Variants in TCP11 observed in about 807,000 individuals in gnomAD.
TCP11 encodes the protein T-complex protein 11 homolog.
In TCP11, 34 loss-of-function variants were observed where a neutral mutation model predicts 45.0. The observed-to-expected ratio is 0.76, with a 90% CI of 0.57 to 1.01. TCP11 has a LOEUF of 1.01. Ranked by LOEUF, TCP11 falls within the 50% of genes least tolerant of loss-of-function variation. The pLI is 0.00. For missense variants in TCP11, 523 were observed against 598.1 expected (o/e 0.87, Z 1.31); for synonymous variants, 227 against 227.0 (o/e 1.00, Z 0.00).
At chr6:35,124,554 C>T (rs966591015) in intron 4 of TCP11, among the ~76,000 whole-genome samples, 1 of 152,104 alleles carries the variant, frequency 6.6e-6, no homozygotes, top group Non-Finnish European at 1.5e-5. Context: ...GTCTAACTTA[C>T]GTAGCTACAA....
chr6:35,139,005 T>C (rs1049166317), intron 2 of TCP11, among the ~76,000 whole-genome samples: 14 of 152,126 alleles, frequency 9.2e-5, no homozygotes, highest in Non-Finnish European at 1.6e-4. Context: ...CTGGCCGACA[T>C]GGTGAAACCC....
chr6:35,132,262 A>G (rs115415225), intron 3 of TCP11, among the ~76,000 whole-genome samples: 90 of 152,316 alleles, frequency 5.9e-4, no homozygotes, highest in African/African-American at 2.0e-3. Context: ...AACCTTTCAC[A>G]CCAAGACCAC....
chr6:35,138,404 A>G (rs1375059747), intron 2 of TCP11, among the ~76,000 whole-genome samples: 2 of 152,220 alleles, frequency 1.3e-5, no homozygotes, highest in Non-Finnish European at 1.5e-5. Context: ...CAAAAAAACA[A>G]CACAAGATCT....
intron 1 of TCP11, 153 bp from the exon 2 acceptor site, chr6:35,141,037 G>T (rs1363358480): frequency 1.6e-6 from 2 of 1,233,966 alleles, no homozygotes; most frequent in Non-Finnish European, 2.1e-6. Flanking sequence ...TGGAGGAGCG[G>T]AAGTCGAGAG....
chr6:35,132,070 C>T (rs1350731067), intron 3 of TCP11, among the ~76,000 whole-genome samples: 1 of 152,250 alleles, frequency 6.6e-6, no homozygotes, highest in Non-Finnish European at 1.5e-5. Flanking sequence ...GGGGCTCCCC[C>T]ATCACCAGCA....
In TCP11 at chr6:35,118,394, G is replaced by C; in HGVS notation, c.1387C>G (p.Leu463Val). ...LTLIEAELAE[L>V]GQKFVNLTHH... ...GTCAAGTTGACAAACTTTTGGCCCA[G>C]TTCTGCCAGTTCTGCTTCAATGAGA... is the stretch of plus-strand genomic sequence containing the variant. The change falls in exon 10 of 10, where the codon CTG (leucine) becomes GTG (valine). Residue 463 changes from leucine (L) to valine (V), a missense_variant. Transcript: ENST00000311875. The C allele has an allele frequency of 6.2e-7, 1 of 1,614,212 alleles. No homozygotes were observed. Among genetic ancestry groups the C allele is most frequent in the Non-Finnish European group, 8.5e-7 (1 of 1,180,034 alleles).
rs189727413 is a variant in TCP11 at position 35,128,890 on chromosome 6, T to C, written c.357+172A>G. ...CCCTCATTTCTCCTACTCTCTGTTA[T>C]AATAATTTTTATATTAAACCCTCCC... On this transcript the variant is annotated intron_variant, in intron 4 of 9. Transcript: ENST00000311875. 1.6e-4 allele frequency: 130 copies of C among 802,630 alleles called. No homozygotes were observed. The African/African-American group carries it at 2.0e-3, about 12-fold the overall frequency. The allele number at this position is 802,630 out of a possible 1,614,324, so 49.7% of individuals were successfully genotyped here.
At position 35,129,115 on chromosome 6, in the gene TCP11, C is replaced by T. The variant is rs778104076; in HGVS notation, c.304G>A (p.Ala102Thr). Residue 102 changes from alanine (A) to threonine (T), a missense_variant, in exon 4 of 10, where the codon GCA (alanine) becomes ACA (threonine). Coordinates refer to ENST00000311875, the MANE Select transcript of TCP11 (RefSeq NM_001370687.1). ...GCACAGCTGAAGTCAGGGGGAGTTG[C>T]TGATAGTTGCTCTTTAAGATGGTCC... ...FWDHLKEQLS[A>T]TPPDFSCALE... 18 of 1,614,158 alleles carry T rather than the reference C, an allele frequency of 1.1e-5. No individual in the cohort carries two copies. The Admixed American group carries it at 2.8e-4, about 25-fold the overall frequency.
chr6:35,119,439 A>G (rs772223564), intron 8 of TCP11, 48 bp from the exon 9 acceptor site: 3 of 1,600,542 alleles, frequency 1.9e-6, no homozygotes, highest in African/African-American at 2.7e-5. Flanking sequence ...TAACCCTGGC[A>G]TAGGCCCAGG....
In TCP11 at chr6:35,140,888, G is replaced by T. The variant is rs1484045746; in HGVS notation, c.-14-4C>A. The T allele has an allele frequency of 6.4e-7, 1 of 1,569,586 alleles. No homozygotes were observed. Among genetic ancestry groups the T allele is most frequent in the African/African-American group, 1.4e-5 (1 of 72,860 alleles). On this transcript the variant is annotated splice_polypyrimidine_tract_variant and splice_region_variant and intron_variant, in intron 1 of 9. Transcript: ENST00000311875. ...TCTGGCATTTTGCTGATGGTATCTG[G>T]GTGAGGGAGAAAGGCGTGTTGTTGG...
chr6:35,140,458 C>A (rs1781601641), intron 2 of TCP11: 1 of 560,492 alleles, frequency 1.8e-6, no homozygotes, highest in Non-Finnish European at 3.3e-6. Context: ...ATCTGCCAAT[C>A]CCCCCTACAT....
In TCP11 at chr6:35,120,105, T is replaced by A. The variant is rs1779055206; in HGVS notation, c.1115+54A>T. 4 of 1,574,564 alleles carry A rather than the reference T, an allele frequency of 2.5e-6. No individual in the cohort carries two copies. Among genetic ancestry groups the A allele is most frequent in the Non-Finnish European group, 3.5e-6 (4 of 1,158,336 alleles). ...TAAGCAATCGTTCATTACCTGCCTA[T>A]GTTCTAAATACCACATATCACCTTC... On this transcript the variant is annotated intron_variant, in intron 8 of 9. Coordinates refer to ENST00000311875, the MANE Select transcript of TCP11 (RefSeq NM_001370687.1). The surrounding 1 kb of genome is among the most constrained non-coding windows in gnomAD (Gnocchi z 4.9).
At chr6:35,140,551 T>C (rs1253890727) in intron 2 of TCP11, 196 bp downstream of exon 2, 1 of 673,922 alleles carries the variant, frequency 1.5e-6, no homozygotes, top group Non-Finnish European at 2.7e-6. Flanking sequence ...CTTGGGTCAC[T>C]TCTTTCTCTA....
Position 35,121,060 on chromosome 6 carries a change from A to C in TCP11, c.579-15T>G. Reference sequence around the variant, plus strand: ...GGAAGATCCCTCTGACACAGGGGGAAAGAGAATATTTATACTACTAAGCTA... The same window carrying C: ...GGAAGATCCCTCTGACACAGGGGGACAGAGAATATTTATACTACTAAGCTA... On this transcript the variant is annotated splice_polypyrimidine_tract_variant and intron_variant, in intron 5 of 9. Transcript: ENST00000311875. 6.3e-7 allele frequency: 1 copy of C among 1,594,764 alleles called. No homozygotes were observed. Among genetic ancestry groups the C allele is most frequent in the South Asian group, 1.1e-5 (1 of 87,132 alleles).
intron 3 of TCP11, among the ~76,000 whole-genome samples, chr6:35,131,879 G>C (rs752537676): frequency 5.3e-5 from 8 of 152,140 alleles, no homozygotes; most frequent in Non-Finnish European, 7.4e-5. Flanking sequence ...TGGGATTACA[G>C]GGATGAACCA....
At chr6:35,128,936 TTC>T in intron 4 of TCP11, 124 bp downstream of exon 4, 1 of 1,224,794 alleles carries the variant, frequency 8.2e-7, no homozygotes, top group Non-Finnish European at 1.1e-6. Flanking sequence ...ACTGTATGAT[TTC>T]TGTCTATTGC....
chr6:35,122,595 G>C (rs560198595), intron 4 of TCP11, among the ~76,000 whole-genome samples: 1 of 152,288 alleles, frequency 6.6e-6, no homozygotes, highest in Admixed American at 6.5e-5. Flanking sequence ...ATCAAGGAGT[G>C]TGGTAAAAAG....
intron 3 of TCP11, among the ~76,000 whole-genome samples, chr6:35,131,338 C>T (rs1022907610): frequency 5.9e-5 from 9 of 152,012 alleles, no homozygotes; most frequent in South Asian, 2.1e-4. Context: ...GGGGCCGAGG[C>T]GGGCGGATCA....
At chr6:35,140,540 G>A in intron 2 of TCP11, 2 of 662,890 alleles carry the variant, frequency 3.0e-6, no homozygotes, top group Non-Finnish European at 5.5e-6. Flanking sequence ...AAGTAATCAC[G>A]CTTGGGTCAC....
Sources: allele counts gnomAD v4.1 joint callset (sites outside exome capture counted in the v4.1 genomes callset), GRCh38; gene constraint gnomAD v4.1.1; non-coding constraint Gnocchi (gnomAD v3.1); transcripts MANE v1.5; gene names NCBI Gene and HGNC (gene_info 2026-07-23, HGNC 2026-07-21).